DRC1: variants seen among roughly 807,000 people sequenced by gnomAD.
The protein encoded by DRC1 is dynein regulatory complex subunit 1.
DRC1 carries 74 observed loss-of-function variants against 98.7 expected under a neutral mutation model. The ratio of observed to expected loss-of-function variants is 0.75; its 90% CI spans 0.62 to 0.91. The LOEUF (loss-of-function observed/expected upper bound fraction) is 0.91. DRC1 is among the 40% of genes least tolerant of loss of function. The pLI is 0.00. For synonymous variants in DRC1, 336 were observed against 334.1 expected (o/e 1.01, Z -0.06); for missense variants, 875 against 886.0 (o/e 0.99, Z 0.16).
At chr2:26,437,803 G>A (rs13411210) in intron 7 of DRC1, among the ~76,000 whole-genome samples, 9,667 of 151,788 alleles carry the variant, frequency 0.064, 758 homozygotes, top group African/African-American at 0.18. Flanking sequence ...ATGATGAAGC[G>A]GCATAGTATA....
At chr2:26,437,715 T>G (rs1051325998) in intron 7 of DRC1, among the ~76,000 whole-genome samples, 1 of 152,104 alleles carries the variant, frequency 6.6e-6, no homozygotes, top group East Asian at 1.9e-4. Context: ...TATAACTATA[T>G]ATATATACAC....
chr2:26,441,364 G>C (rs114981467), intron 8 of DRC1, among the ~76,000 whole-genome samples: 7 of 152,162 alleles, frequency 4.6e-5, no homozygotes, highest in Admixed American at 1.3e-4. Flanking sequence ...AACATCAGTT[G>C]ACCTTTTGGT....
chr2:26,447,251 A>G (rs1663877780), intron 10 of DRC1, among the ~76,000 whole-genome samples: 1 of 151,582 alleles, frequency 6.6e-6, no homozygotes, highest in Middle Eastern at 3.4e-3. Context: ...TGTCTCTACT[A>G]AAAATACAAA....
intron 1 of DRC1, among the ~76,000 whole-genome samples, chr2:26,406,048 T>C (rs1049267478): frequency 1.3e-5 from 2 of 152,178 alleles, no homozygotes; most frequent in African/African-American, 4.8e-5. Flanking sequence ...TCAAAACAAA[T>C]GCATGCAGCT....
chr2:26,421,139 A>G (rs537895608), intron 2 of DRC1, 149 bp from the exon 3 acceptor site: 1 of 575,850 alleles, frequency 1.7e-6, no homozygotes. Context: ...GGGTTGCTAC[A>G]CAGAGGCTAC....
At chr2:26,427,810 G>A (rs779784640) in intron 4 of DRC1, among the ~76,000 whole-genome samples, 5 of 152,128 alleles carry the variant, frequency 3.3e-5, no homozygotes, top group Non-Finnish European at 5.9e-5. Context: ...TCCCACAAAT[G>A]AGTGAGAACA....
chr2:26,443,529 A>G lies in DRC1; in HGVS notation c.1029-693A>G, dbSNP rs115006930. Among the ~76,000 whole-genome samples the G allele has an allele frequency of 1.8e-3, 270 of 152,330 alleles. 1 individual carries two copies. Among genetic ancestry groups the G allele is most frequent in the African/African-American group, 6.1e-3 (254 of 41,578 alleles). ...CCTCTGGGCTCCCCTGGCACCCTGC[A>G]TAAAACTCTCCTATAGCACTTTCCA... On this transcript the variant is annotated intron_variant, in intron 8 of 16. Coordinates refer to ENST00000288710, the MANE Select transcript of DRC1 (RefSeq NM_145038.5).
Position 26,434,890 on chromosome 2 carries a change from CA to C in DRC1, c.888+2899del, listed in dbSNP as rs58202507. Among the ~76,000 whole-genome samples, 746 of 126,818 alleles carry C rather than the reference CA, an allele frequency of 5.9e-3. 6 individuals are homozygous for C. The highest frequency in any genetic ancestry group is 0.021 in the African/African-American group (672 of 31,284). 83.2% of individuals were successfully genotyped at this position (126,818 alleles called of 152,430 possible). On this transcript the variant is annotated intron_variant, in intron 7 of 16. Coordinates refer to ENST00000288710, the MANE Select transcript of DRC1 (RefSeq NM_145038.5). ...TGGGTGACAGAGCGAGACTCCGTCT[CA>C]AAAAAAAAAAAAAAGAAAGAAAGCT... is the stretch of plus-strand genomic sequence containing the variant.
At chr2:26,406,013 C>T (rs771105173) in intron 1 of DRC1, among the ~76,000 whole-genome samples, 5 of 152,106 alleles carry the variant, frequency 3.3e-5, no homozygotes, top group Admixed American at 6.6e-5. Context: ...GAGCTGGGAC[C>T]ATTCTGTACC....
intron 8 of DRC1, among the ~76,000 whole-genome samples, chr2:26,441,785 G>A (rs967212197): frequency 6.6e-6 from 1 of 152,150 alleles, no homozygotes; most frequent in African/African-American, 2.4e-5. Flanking sequence ...TGAGAGATGA[G>A]TGGAATCTTC....
chr2:26,407,527 A>T (rs1440257528), intron 1 of DRC1, among the ~76,000 whole-genome samples: 1 of 152,188 alleles, frequency 6.6e-6, no homozygotes. Context: ...TAGCAGTGAC[A>T]GGAGACTGGA....
At chr2:26,404,123 A>G (rs1310633488) in intron 1 of DRC1, among the ~76,000 whole-genome samples, 1 of 152,074 alleles carries the variant, frequency 6.6e-6, no homozygotes, top group Non-Finnish European at 1.5e-5. Context: ...TGTAAAAATC[A>G]TTATTTGCCT....
Position 26,450,034 on chromosome 2 carries a change from G to A in DRC1, c.1548G>A (p.Leu516=), listed in dbSNP as rs761914420. The A allele has an allele frequency of 4.3e-6, 7 of 1,613,742 alleles. No homozygotes were observed. The Admixed American group carries it at 5.0e-5, about 12-fold the overall frequency. ...AGAGCAAGCTGCTGAGCCTTCTCCT[G>A]CCCCTGGAGCAGAATGAATGCTATC... ...LIESKLLSLL[L]PLEQNECYLL... Residue 516 remains leucine (L), a synonymous_variant, in exon 12 of 17, where the codon CTG becomes CTA. Coordinates refer to ENST00000288710, the MANE Select transcript of DRC1 (RefSeq NM_145038.5).
chr2:26,418,550 T>A (rs1435532887), intron 2 of DRC1, among the ~76,000 whole-genome samples: 1 of 109,800 alleles, frequency 9.1e-6, no homozygotes, highest in African/African-American at 4.1e-5. Flanking sequence ...TTATAAATTA[T>A]ATATAATTTA....
Position 26,444,235 on chromosome 2 carries a change from C to G in DRC1, c.1042C>G (p.Leu348Val), listed in dbSNP as rs1305277339. 1.9e-6 allele frequency: 3 copies of G among 1,614,030 alleles called. No homozygotes were observed. Among genetic ancestry groups the G allele is most frequent in the African/African-American group, 2.7e-5 (2 of 74,936 alleles). Residue 348 changes from leucine (L) to valine (V), a missense_variant, in exon 9 of 17, where the codon CTT becomes GTT. By Grantham distance (32) the Leu-to-Val change is conservative. Coordinates refer to ENST00000288710, the MANE Select transcript of DRC1 (RefSeq NM_145038.5). ...KRKINRLHDI[L>V]NNLRSKYAKQ... ...TCCTTCAACCAGCCTGCATGATATA[C>G]TTAACAATCTGAGATCAAAATATGC... is the stretch of plus-strand genomic sequence containing the variant.
At position 26,456,681 on chromosome 2, in the gene DRC1, C is replaced by T; in HGVS notation, c.*164C>T. 1.4e-6 allele frequency: 1 copy of T among 728,870 alleles called. No individual in the cohort carries two copies. The highest frequency in any genetic ancestry group is 2.0e-5 in the South Asian group (1 of 51,122). 45.2% of individuals were successfully genotyped at this position (728,870 alleles called of 1,614,324 possible). ...AAGGAGCCAGAGGAGTTACCTGTGT[C>T]CTGCATTATGATTAAAGCCTTTTAA... is the stretch of plus-strand genomic sequence containing the variant. On this transcript the variant is annotated 3_prime_UTR_variant, in exon 17 of 17. Transcript: ENST00000288710.
chr2:26,414,125 A>ATTG (rs773574067), intron 1 of DRC1, among the ~76,000 whole-genome samples: 49 of 148,504 alleles, frequency 3.3e-4, no homozygotes, highest in Middle Eastern at 3.5e-3. Flanking sequence ...CATTATTATT[A>ATTG]TTATTATTAT....
chr2:26,442,956 T>C (rs79194435), intron 8 of DRC1, among the ~76,000 whole-genome samples: 2,944 of 152,332 alleles, frequency 0.019, 80 homozygotes, highest in African/African-American at 0.066. Flanking sequence ...AGGAACTCCT[T>C]TACTGCATGA....
intron 1 of DRC1, among the ~76,000 whole-genome samples, chr2:26,410,155 T>C (rs904225305): frequency 1.4e-5 from 2 of 147,286 alleles, no homozygotes. Context: ...ATTATAGAAA[T>C]AGAAAACATT....
Sources: gnomAD v4.1 joint callset for allele counts (sites outside exome capture counted in the v4.1 genomes callset) on GRCh38, gnomAD v4.1.1 for gene constraint, MANE v1.5 for transcripts, NCBI Gene and HGNC (gene_info 2026-07-23, HGNC 2026-07-21) for gene names.